Variants in TAFA2 observed in about 807,000 individuals in gnomAD.
TAFA2 encodes the protein chemokine-like protein TAFA-2.
A neutral mutation model predicts 18.8 loss-of-function variants in TAFA2; 7 were observed. That is an observed-to-expected ratio of 0.37 (90% CI 0.21 to 0.70). TAFA2 has a LOEUF of 0.70. TAFA2 is among the 30% of genes least tolerant of loss of function. The probability of loss-of-function intolerance (pLI) is 0.53; values close to 1 mark genes in which losing one functional copy is unlikely to be tolerated. For missense variants in TAFA2, 122 were observed against 158.1 expected, an observed-to-expected ratio of 0.77 and a Z score of 1.23; for synonymous variants, 60 against 54.2, an observed-to-expected ratio of 1.11 and a Z score of -0.47.
intron 2 of TAFA2, among the ~76,000 whole-genome samples, chr12:61,782,082 A>G (rs1337822714): frequency 6.6e-6 from 1 of 151,644 alleles, no homozygotes; most frequent in Non-Finnish European, 1.5e-5. Context: ...ATATATTTCC[A>G]TGAAACTATT....
chr12:61,740,659 C>CA, intron 4 of TAFA2, among the ~76,000 whole-genome samples: 1 of 151,898 alleles, frequency 6.6e-6, no homozygotes, highest in East Asian at 1.9e-4. Flanking sequence ...TAAAAAAACT[C>CA]ACTTGTAGCA....
intron 1 of TAFA2, among the ~76,000 whole-genome samples, chr12:62,149,749 T>A (rs989451380): frequency 2.0e-5 from 3 of 152,062 alleles, no homozygotes; most frequent in Non-Finnish European, 4.4e-5. Flanking sequence ...TATTCAGCTG[T>A]ACTAAATACT....
chr12:62,083,015 G>A (rs979371154), intron 1 of TAFA2, among the ~76,000 whole-genome samples: 2 of 152,014 alleles, frequency 1.3e-5, no homozygotes, highest in Admixed American at 6.6e-5. Context: ...ACAGAAACTT[G>A]CCCAAGATCA....
chr12:62,244,430 G>A (rs932954183), intron 1 of TAFA2, among the ~76,000 whole-genome samples: 17 of 152,010 alleles, frequency 1.1e-4, no homozygotes, highest in African/African-American at 3.9e-4. Context: ...TTTTTAAGAT[G>A]TGACAATTTA....
chr12:62,183,706 A>T (rs1245067192), intron 1 of TAFA2, among the ~76,000 whole-genome samples: 1 of 152,226 alleles, frequency 6.6e-6, no homozygotes, highest in East Asian at 1.9e-4. Context: ...TTTTTATCAC[A>T]GCAGCTCAAA....
intron 4 of TAFA2, among the ~76,000 whole-genome samples, chr12:61,724,407 CT>C (rs961082738): frequency 4.8e-5 from 7 of 146,762 alleles, no homozygotes; most frequent in African/African-American, 1.7e-4. Flanking sequence ...CATTTCAATA[CT>C]TTTGGGGGAA....
chr12:61,979,071 G>A (rs879941411), intron 1 of TAFA2, among the ~76,000 whole-genome samples: 19 of 152,078 alleles, frequency 1.2e-4, no homozygotes, highest in Non-Finnish European at 2.5e-4. Flanking sequence ...GTTATAATGT[G>A]AAACTAAATG....
intron 2 of TAFA2, among the ~76,000 whole-genome samples, chr12:61,809,975 G>C (rs907158805): frequency 6.6e-6 from 1 of 151,226 alleles, no homozygotes; most frequent in Non-Finnish European, 1.5e-5. Flanking sequence ...TGAAGACATA[G>C]CTGACCACCC....
intron 1 of TAFA2, among the ~76,000 whole-genome samples, chr12:62,101,285 A>G (rs1565744497): frequency 6.6e-6 from 1 of 152,190 alleles, no homozygotes; most frequent in Non-Finnish European, 1.5e-5. Context: ...TAACCAATAC[A>G]GTGCCATGGC....
intron 1 of TAFA2, among the ~76,000 whole-genome samples, chr12:61,993,098 C>T (rs1880063779): frequency 6.6e-6 from 1 of 152,182 alleles, no homozygotes; most frequent in Non-Finnish European, 1.5e-5. Context: ...AGGCTGTCCT[C>T]TTTTCATTAA....
chr12:62,195,967 T>G (rs1232794921), upstream of TAFA2, among the ~76,000 whole-genome samples: 3 of 152,210 alleles, frequency 2.0e-5, no homozygotes, highest in Non-Finnish European at 4.4e-5. Context: ...TTATTTACAT[T>G]GAAAATCTGT....
intron 1 of TAFA2, among the ~76,000 whole-genome samples, chr12:62,101,573 T>G (rs1869203878): frequency 6.6e-6 from 1 of 152,208 alleles, no homozygotes; most frequent in African/African-American, 2.4e-5. Flanking sequence ...CTGCAGCTGA[T>G]AAGCCACAGA....
chr12:61,869,707 GA>G (rs1874511513), intron 1 of TAFA2, among the ~76,000 whole-genome samples: 1 of 152,110 alleles, frequency 6.6e-6, no homozygotes, highest in Non-Finnish European at 1.5e-5. Context: ...ACCTGGTTTG[GA>G]ACTTATTCTC....
chr12:61,741,898 A>T (rs1363006034), intron 4 of TAFA2, among the ~76,000 whole-genome samples: 1 of 151,896 alleles, frequency 6.6e-6, no homozygotes, highest in Non-Finnish European at 1.5e-5. Flanking sequence ...TGCTAAGGAG[A>T]TTCATATTTA....
intron 1 of TAFA2, among the ~76,000 whole-genome samples, chr12:61,920,278 G>A (rs1876995492): frequency 6.6e-6 from 1 of 152,134 alleles, no homozygotes; most frequent in Non-Finnish European, 1.5e-5. Context: ...AGAGGCAAAT[G>A]AGAATTAATA....
chr12:62,000,363 G>A (rs559709546), intron 1 of TAFA2, among the ~76,000 whole-genome samples: 21 of 146,002 alleles, frequency 1.4e-4, no homozygotes, highest in Non-Finnish European at 3.0e-4. Flanking sequence ...ACCTTGATAC[G>A]GCCATGGTAG....
intron 1 of TAFA2, among the ~76,000 whole-genome samples, chr12:61,971,582 G>A (rs1280978250): frequency 1.3e-5 from 2 of 151,848 alleles, no homozygotes; most frequent in Non-Finnish European, 2.9e-5. Flanking sequence ...CAGGGACATG[G>A]ATGAAGCTGG....
chr12:62,033,493 G>A (rs886524014), intron 1 of TAFA2, among the ~76,000 whole-genome samples: 4 of 150,366 alleles, frequency 2.7e-5, no homozygotes, highest in African/African-American at 1.0e-4. Flanking sequence ...TCTTTCACCA[G>A]TGAGAGTTAA....
intron 4 of TAFA2, among the ~76,000 whole-genome samples, chr12:61,725,009 T>C (rs1195435242): frequency 6.6e-6 from 1 of 151,986 alleles, no homozygotes; most frequent in Non-Finnish European, 1.5e-5. Flanking sequence ...ATTATGGCCA[T>C]TCCATTGTGG....
Sources: allele counts gnomAD v4.1 joint callset (sites outside exome capture counted in the v4.1 genomes callset), GRCh38; gene constraint gnomAD v4.1.1; transcripts MANE v1.5; gene names NCBI Gene and HGNC (gene_info 2026-07-23, HGNC 2026-07-21).